The following ABCG1 variants were observed in gnomAD, a reference collection of about 807,000 sequenced individuals.
The protein encoded by ABCG1 is ATP binding cassette subfamily G member 1.
Under a neutral mutation model 69.2 loss-of-function variants are expected in ABCG1, and 29 were observed. The ratio of observed to expected loss-of-function variants is 0.42; its 90% confidence interval spans 0.31 to 0.57. The LOEUF is 0.57. Among genes scored for constraint, ABCG1 ranks in the 20% least tolerant of loss-of-function variants. ABCG1 has a pLI of 0.15. For missense variants in ABCG1, 718 were observed against 898.1 expected (o/e 0.80, Z 2.56); for synonymous variants, 370 against 374.8 (o/e 0.99, Z 0.15).
In ABCG1 at chr21:42,273,679, G is replaced by A. The variant is rs138467553; in HGVS notation, c.537+244G>A. On this transcript the variant is annotated intron_variant, in intron 4 of 14. Coordinates refer to ENST00000398449, the MANE Select transcript of ABCG1 (RefSeq NM_016818.3). This position sits in a 1 kb window ranked among gnomAD's most constrained non-coding sequence, Gnocchi z 5.3. ...ATGGACCTTGTTTGGCAGGGTTGGGGTCAAGTTTCTGAGAAGGTTATTAAC... is the reference window on the plus strand; with the variant it reads ...ATGGACCTTGTTTGGCAGGGTTGGGATCAAGTTTCTGAGAAGGTTATTAAC... Among the ~76,000 whole-genome samples the A allele has an allele frequency of 5.7e-3, 862 of 152,296 alleles. 5 individuals carry two copies. Among genetic ancestry groups the A allele is most frequent in the Middle Eastern group, 0.01 (3 of 294 alleles).
chr21:42,274,475 C>CTTTTTT (rs57783276), intron 4 of ABCG1, among the ~76,000 whole-genome samples: 1 of 129,002 alleles, frequency 7.8e-6, no homozygotes, highest in African/African-American at 3.0e-5. Flanking sequence ...TTTCCAGGGC[C>CTTTTTT]TTTTTTTTTT....
At chr21:42,223,474 G>A (rs2067764044) in intron 1 of ABCG1, among the ~76,000 whole-genome samples, 1 of 151,750 alleles carries the variant, frequency 6.6e-6, no homozygotes, top group Non-Finnish European at 1.5e-5. Flanking sequence ...GGCACACATG[G>A]GGAAAAGGCA....
intron 2 of ABCG1, among the ~76,000 whole-genome samples, chr21:42,264,758 C>T (rs2068473811): frequency 6.7e-6 from 1 of 148,694 alleles, no homozygotes; most frequent in African/African-American, 2.5e-5. Flanking sequence ...GAGATGGCCA[C>T]ATGGGGAAAG....
intron 5 of ABCG1, 133 bp from the exon 6 acceptor site, chr21:42,282,141 C>A: frequency 1.6e-5 from 20 of 1,268,312 alleles, no homozygotes; most frequent in Non-Finnish European, 2.2e-5. Context: ...GTTCGACTTG[C>A]GTGGCCTCCA....
In ABCG1 at chr21:42,258,057, C is replaced by A. The variant is rs1397546779; in HGVS notation, c.287-13013C>A. On this transcript the variant is annotated intron_variant, in intron 2 of 14. Transcript: ENST00000398449. ...ATCCATCCCTCCACTCATCCCTCAA[C>A]TCACCTCTTCATCCACTCCATCCAT... 3.4e-5 allele frequency among the ~76,000 whole-genome samples: 2 copies of A among 58,454 alleles called. 1 individual carries two copies. The highest frequency in any genetic ancestry group is 1.8e-4 in the African/African-American group (2 of 11,216). 38.3% of individuals were successfully genotyped at this position (58,454 alleles called of 152,430 possible).
At chr21:42,249,756 G>A (rs1464729637) in intron 2 of ABCG1, among the ~76,000 whole-genome samples, 1 of 152,022 alleles carries the variant, frequency 6.6e-6, no homozygotes, top group South Asian at 2.1e-4. Flanking sequence ...CTGTAATCCC[G>A]GCACTTTGGG....
At chr21:42,223,704 G>A (rs533736253) in intron 1 of ABCG1, among the ~76,000 whole-genome samples, 1 of 152,310 alleles carries the variant, frequency 6.6e-6, no homozygotes, top group East Asian at 1.9e-4. Flanking sequence ...CTGACCCCAG[G>A]GCTTTATCTG....
intron 2 of ABCG1, among the ~76,000 whole-genome samples, chr21:42,233,274 T>C (rs1001063866): frequency 2.0e-5 from 3 of 152,280 alleles, no homozygotes; most frequent in South Asian, 2.1e-4. Context: ...TTCAGGGCTG[T>C]GATTACATCC....
chr21:42,273,295 T>G lies in ABCG1; in HGVS notation c.405-8T>G. ...GGCTGACGGCTTCTCCTGTCCTTGG[T>G]TCTGCAGGGAGACGGGCATGAAGGG... On this transcript the variant is annotated splice_region_variant and splice_polypyrimidine_tract_variant and intron_variant, in intron 3 of 14. Transcript: ENST00000398449. This position sits in a 1 kb window ranked among gnomAD's most constrained non-coding sequence, Gnocchi z 5.3. The G allele has an allele frequency of 6.2e-7, 1 of 1,610,912 alleles. No individual in the cohort carries two copies. Among genetic ancestry groups the G allele is most frequent in the South Asian group, 1.1e-5 (1 of 90,818 alleles).
chr21:42,228,170 GC>G lies in ABCG1; in HGVS notation c.286+2259del, dbSNP rs1461117953. 2.6e-5 allele frequency among the ~76,000 whole-genome samples: 4 copies of G among 152,178 alleles called. No individual in the cohort carries two copies. The East Asian group carries it at 7.7e-4, about 29-fold the overall frequency. On this transcript the variant is annotated intron_variant, in intron 2 of 14. Transcript: ENST00000398449. ...CCAACTGTCCATTCTTAGGAGCGCAGCCCGGGCGGGGTGGCCACCAGATAGA... is the reference window on the plus strand; with the variant it reads ...CCAACTGTCCATTCTTAGGAGCGCAGCCGGGCGGGGTGGCCACCAGATAGA...
chr21:42,212,787 G>A (rs1230045748), upstream of ABCG1, among the ~76,000 whole-genome samples: 11 of 149,522 alleles, frequency 7.4e-5, no homozygotes, highest in Non-Finnish European at 1.5e-4. Context: ...TCCGCTTCCC[G>A]GGTTCACACC....
rs965397671 is a variant in ABCG1, at chr21:42,288,658, A to C, written c.1224+346A>C. 6.6e-6 allele frequency among the ~76,000 whole-genome samples: 1 copy of C among 152,016 alleles called. No homozygotes were observed. ...GGGGGGCGGAGATTGCAGTGAGCCG[A>C]GATTGCACCACTGCACTCCAGCCTG... On this transcript the variant is annotated intron_variant, in intron 10 of 14. Transcript: ENST00000398449. The surrounding 1 kb of genome is among the most constrained non-coding windows in gnomAD (Gnocchi z 4.8).
chr21:42,284,750 A>G, intron 7 of ABCG1, 67 bp downstream of exon 7: 1 of 1,535,904 alleles, frequency 6.5e-7, no homozygotes, highest in South Asian at 1.2e-5. Context: ...ATGACACCAA[A>G]CCCTGGGTAC....
rs568164783 is a variant in ABCG1, at chr21:42,251,774, C to T, written c.287-19296C>T. Among the ~76,000 whole-genome samples, 7 of 152,326 alleles carry T rather than the reference C, an allele frequency of 4.6e-5. No individual in the cohort carries two copies. In the South Asian group the frequency reaches 1.5e-3, roughly 32 times the overall value. On this transcript the variant is annotated intron_variant, in intron 2 of 14. Transcript: ENST00000398449. ...CAGAGAGAGCTGGGAGACTCAGAAT[C>T]CCACTGGAGCCCCTACTCTTCCCAG... is the stretch of plus-strand genomic sequence containing the variant.
chr21:42,289,156 T>C (rs891899635), intron 10 of ABCG1, among the ~76,000 whole-genome samples: 5 of 152,224 alleles, frequency 3.3e-5, no homozygotes, highest in Admixed American at 6.5e-5. Flanking sequence ...ACTGTAATGC[T>C]GCAGTAACAA....
At chr21:42,278,382 G>T (rs2068747040) in intron 5 of ABCG1, among the ~76,000 whole-genome samples, 1 of 152,174 alleles carries the variant, frequency 6.6e-6, no homozygotes, top group East Asian at 1.9e-4. Flanking sequence ...CCCCCCAAAA[G>T]ATGATATGTT....
upstream of ABCG1, among the ~76,000 whole-genome samples, chr21:42,212,395 G>A (rs750682685): frequency 1.3e-5 from 2 of 152,170 alleles, no homozygotes; most frequent in African/African-American, 4.8e-5. Context: ...CAGAGCCTCC[G>A]AGATTATGTA....
chr21:42,295,482 T>G (rs1486654737), intron 14 of ABCG1: 1 of 152,948 alleles, frequency 6.5e-6, no homozygotes, highest in African/African-American at 2.4e-5. Context: ...GCTACAACGT[T>G]TCGTGCCCTC....
chr21:42,206,096 T>C (rs1601328279), intron 2 of ABCG1, among the ~76,000 whole-genome samples: 3 of 152,320 alleles, frequency 2.0e-5, no homozygotes, highest in African/African-American at 7.2e-5. Flanking sequence ...TGGTGACTCA[T>C]GCATGTAATC....
Sources: gnomAD v4.1 joint callset for allele counts (sites outside exome capture counted in the v4.1 genomes callset) on GRCh38, gnomAD v4.1.1 for gene constraint, Gnocchi (gnomAD v3.1) non-coding constraint, MANE v1.5 for transcripts, NCBI Gene and HGNC (gene_info 2026-07-23, HGNC 2026-07-21) for gene names.